AUTS2: variants seen among roughly 807,000 people sequenced by gnomAD.
AUTS2 encodes the protein autism susceptibility gene 2 protein.
Under a neutral mutation model 112.4 loss-of-function variants are expected in AUTS2, and 17 were observed. The ratio of observed to expected loss-of-function variants is 0.15; its 90% confidence interval spans 0.10 to 0.23. The LOEUF (loss-of-function observed/expected upper bound fraction) is 0.23. AUTS2 is among the 10% of genes least tolerant of loss of function. The pLI, the probability that AUTS2 is intolerant of heterozygous loss-of-function variation, is 1.00. For synonymous variants in AUTS2, 751 were observed against 702.7 expected (o/e 1.07, Z -1.09); for missense variants, 1,510 against 1,701.6 (o/e 0.89, Z 1.98).
chr7:70,014,984 G>A (rs1432010541), intron 2 of AUTS2, among the ~76,000 whole-genome samples: 1 of 152,212 alleles, frequency 6.6e-6, no homozygotes, highest in Non-Finnish European at 1.5e-5. Flanking sequence ...CTTGGAATGA[G>A]AAAATTATGA....
At chr7:69,966,803 C>T (rs993269911) in intron 2 of AUTS2, among the ~76,000 whole-genome samples, 2 of 152,186 alleles carry the variant, frequency 1.3e-5, no homozygotes, top group African/African-American at 4.8e-5. Context: ...TGCCATTTCA[C>T]ACTTTTTCTT....
chr7:70,177,728 G>A (rs964271932), intron 4 of AUTS2, among the ~76,000 whole-genome samples: 1 of 152,138 alleles, frequency 6.6e-6, no homozygotes, highest in African/African-American at 2.4e-5. Context: ...TTTATGATGT[G>A]TAAGTGATTT....
chr7:70,761,258 A>T (rs2129556714), intron 6 of AUTS2, among the ~76,000 whole-genome samples: 1 of 152,322 alleles, frequency 6.6e-6, no homozygotes, highest in Admixed American at 6.5e-5. Flanking sequence ...GTGTGCTGTG[A>T]TTACACCTGT....
At position 69,872,834 on chromosome 7, in the gene AUTS2, C is replaced by CTTTTTTTTTTTTTTTTTTTTTTT. The variant is rs1164356683; in HGVS notation, c.310-26448_310-26426dup. Reference sequence around the variant, plus strand: ...GGTGGCACTTGATGTAGCCTATATTCTTTTTTTTTTTTTTTTTTTTTTTTT... The same window carrying CTTTTTTTTTTTTTTTTTTTTTTT: ...GGTGGCACTTGATGTAGCCTATATTCTTTTTTTTTTTTTTTTTTTTTTTTTTTTTTTTTTTTTTTTTTTTTTTT... On this transcript the variant is annotated intron_variant, in intron 1 of 18. Transcript: ENST00000342771. 2.4e-4 allele frequency among the ~76,000 whole-genome samples: 17 copies of CTTTTTTTTTTTTTTTTTTTTTTT among 70,422 alleles called. 2 individuals carry two copies. Among genetic ancestry groups the CTTTTTTTTTTTTTTTTTTTTTTT allele is most frequent in the African/African-American group, 4.4e-4 (7 of 16,056 alleles). 46.2% of individuals were successfully genotyped at this position (70,422 alleles called of 152,430 possible).
intron 2 of AUTS2, among the ~76,000 whole-genome samples, chr7:70,004,275 G>C (rs1340647750): frequency 0.019 from 2,412 of 128,026 alleles, 77 homozygotes; most frequent in Non-Finnish European, 0.029. Flanking sequence ...TTATATATAT[G>C]AATGTGTTAT....
rs564628627 is a variant in AUTS2 at position 69,909,675 on chromosome 7, AAAAG to A, written c.522+10181_522+10184del. Among the ~76,000 whole-genome samples the A allele has an allele frequency of 6.3e-3, 956 of 152,338 alleles. 6 individuals are homozygous for A. Among genetic ancestry groups the A allele is most frequent in the Non-Finnish European group, 9.5e-3 (644 of 68,026 alleles). On this transcript the variant is annotated intron_variant, in intron 2 of 18. Transcript: ENST00000342771. ...TTACGATTTTGATTCCACAAATTCAAAAAGAAATATTTTCCTTTCTAAAGCCAAA... is the reference window on the plus strand; with the variant it reads ...TTACGATTTTGATTCCACAAATTCAAAAATATTTTCCTTTCTAAAGCCAAA...
chr7:70,462,764 C>T (rs1319047979), intron 5 of AUTS2, among the ~76,000 whole-genome samples: 1 of 152,114 alleles, frequency 6.6e-6, no homozygotes, highest in Non-Finnish European at 1.5e-5. Flanking sequence ...CGAGACTAGG[C>T]AGAACAATAT....
chr7:69,714,296 C>T (rs1357812466), intron 1 of AUTS2, among the ~76,000 whole-genome samples: 6 of 130,878 alleles, frequency 4.6e-5, no homozygotes, highest in African/African-American at 1.9e-4. Flanking sequence ...TGTGTAGAGA[C>T]CAAGTCTCCC....
At position 70,509,567 on chromosome 7, in the gene AUTS2, G is replaced by A. The variant is rs572360873; in HGVS notation, c.690+73786G>A. On this transcript the variant is annotated intron_variant, in intron 5 of 18. Coordinates refer to ENST00000342771, the MANE Select transcript of AUTS2 (RefSeq NM_015570.4). ...ACAGATTAAACTAAGGTTTAAAAGAGAATGAGCTGCTGCCTGTCTGGCCCA... is the reference window on the plus strand; with the variant it reads ...ACAGATTAAACTAAGGTTTAAAAGAAAATGAGCTGCTGCCTGTCTGGCCCA... 3.2e-4 allele frequency among the ~76,000 whole-genome samples: 48 copies of A among 152,318 alleles called. 1 individual carries two copies. Among genetic ancestry groups the A allele is most frequent in the African/African-American group, 1.1e-3 (47 of 41,568 alleles).
At chr7:70,045,654 G>A (rs1326211001) in intron 2 of AUTS2, among the ~76,000 whole-genome samples, 1 of 151,374 alleles carries the variant, frequency 6.6e-6, no homozygotes, top group Non-Finnish European at 1.5e-5. Flanking sequence ...TGTCACCCAG[G>A]CTAGAGTGCA....
At chr7:70,536,670 G>A (rs1038610708) in intron 5 of AUTS2, among the ~76,000 whole-genome samples, 1 of 150,758 alleles carries the variant, frequency 6.6e-6, no homozygotes, top group East Asian at 1.9e-4. Flanking sequence ...GGAGGCTGAG[G>A]CGGGCGGATC....
chr7:70,639,616 C>CAAAAAA (rs5884790), intron 5 of AUTS2, among the ~76,000 whole-genome samples: 2,506 of 74,868 alleles, frequency 0.033, 156 homozygotes, highest in African/African-American at 0.089. Context: ...GACCCTGTCT[C>CAAAAAA]AAAAAAAAAA....
chr7:70,121,619 C>T (rs964099706), intron 3 of AUTS2, among the ~76,000 whole-genome samples: 6 of 151,850 alleles, frequency 4.0e-5, no homozygotes, highest in African/African-American at 9.7e-5. Context: ...AAAACTGTAA[C>T]GAGATTATCA....
intron 1 of AUTS2, among the ~76,000 whole-genome samples, chr7:69,749,673 A>G (rs1206122009): frequency 2.0e-5 from 3 of 152,222 alleles, no homozygotes; most frequent in Non-Finnish European, 4.4e-5. Context: ...AACTTTATTC[A>G]AAACCGCTCC....
chr7:69,722,479 C>T (rs533267866), intron 1 of AUTS2, among the ~76,000 whole-genome samples: 40 of 150,610 alleles, frequency 2.7e-4, no homozygotes, highest in Non-Finnish European at 4.7e-4. Context: ...TGGGCTCAAA[C>T]GCTACCACAC....
intron 5 of AUTS2, among the ~76,000 whole-genome samples, chr7:70,517,752 C>T (rs1250209128): frequency 2.6e-5 from 4 of 151,692 alleles, no homozygotes; most frequent in South Asian, 2.1e-4. Flanking sequence ...CACACACACA[C>T]GATTTGTGTC....
At chr7:69,725,603 C>A (rs547855897) in intron 1 of AUTS2, among the ~76,000 whole-genome samples, 2 of 152,118 alleles carry the variant, frequency 1.3e-5, no homozygotes, top group South Asian at 2.1e-4. Flanking sequence ...CTTTTGGGGT[C>A]CTGAAGGTAA....
chr7:70,301,385 T>C (rs974295552), intron 4 of AUTS2, among the ~76,000 whole-genome samples: 2 of 152,232 alleles, frequency 1.3e-5, no homozygotes, highest in Non-Finnish European at 2.9e-5. Context: ...ATTTTTGCAC[T>C]TCTTGGAGGC....
intron 5 of AUTS2, among the ~76,000 whole-genome samples, chr7:70,475,104 C>T (rs1026485169): frequency 3.3e-5 from 5 of 152,212 alleles, no homozygotes; most frequent in Non-Finnish European, 7.3e-5. Flanking sequence ...TGTTGTATAT[C>T]TGCCATTCTG....
Sources: allele counts gnomAD v4.1 joint callset (sites outside exome capture counted in the v4.1 genomes callset), GRCh38; gene constraint gnomAD v4.1.1; transcripts MANE v1.5; gene names NCBI Gene and HGNC (gene_info 2026-07-23, HGNC 2026-07-21).